CTNNA3: variants seen among roughly 807,000 people sequenced by gnomAD.
CTNNA3 encodes catenin alpha-3.
Under a neutral mutation model 95.7 loss-of-function variants are expected in CTNNA3, and 76 were observed. That is an observed-to-expected ratio of 0.79 (90% CI 0.66 to 0.96). The LOEUF (loss-of-function observed/expected upper bound fraction) is 0.96, where lower values mean the gene tolerates loss of function less well. Ranked by LOEUF, CTNNA3 falls within the 40% of genes least tolerant of loss-of-function variation. CTNNA3 has a pLI of 0.00. For missense variants in CTNNA3, 1,191 were observed against 1,089.8 expected, an observed-to-expected ratio of 1.09 and a Z score of -1.31; for synonymous variants, 431 against 374.4, an observed-to-expected ratio of 1.15 and a Z score of -1.74.
intron 17 of CTNNA3, among the ~76,000 whole-genome samples, chr10:65,951,667 G>A (rs1197130995): frequency 6.6e-6 from 1 of 151,826 alleles, no homozygotes; most frequent in East Asian, 1.9e-4. Context: ...TAAAGTCACC[G>A]AGAGGTCATA....
At chr10:66,400,471 A>G (rs1378661239) in intron 11 of CTNNA3, among the ~76,000 whole-genome samples, 1 of 152,104 alleles carries the variant, frequency 6.6e-6, no homozygotes, top group African/African-American at 2.4e-5. Context: ...TACCCACACT[A>G]AGCACTTCAA....
chr10:66,018,187 T>TACACAC (rs59373779), intron 15 of CTNNA3, among the ~76,000 whole-genome samples: 6,659 of 142,102 alleles, frequency 0.047, 362 homozygotes, highest in African/African-American at 0.13. Context: ...ACAGCTCAAA[T>TACACAC]ACACACACAC....
intron 6 of CTNNA3, among the ~76,000 whole-genome samples, chr10:67,182,495 C>A (rs1293583885): frequency 3.3e-5 from 5 of 152,016 alleles, no homozygotes; most frequent in Non-Finnish European, 5.9e-5. Context: ...ATGTAGAAAG[C>A]TGAAACTGGA....
At chr10:66,251,595 A>C (rs1055420575) in intron 13 of CTNNA3, among the ~76,000 whole-genome samples, 5 of 152,162 alleles carry the variant, frequency 3.3e-5, no homozygotes, top group Non-Finnish European at 7.4e-5. Context: ...CACAAGACCA[A>C]ATTGAAACAT....
chr10:66,688,634 T>C (rs1407714279), intron 9 of CTNNA3, among the ~76,000 whole-genome samples: 1 of 152,110 alleles, frequency 6.6e-6, no homozygotes, highest in Non-Finnish European at 1.5e-5. Context: ...GTTCATTTAT[T>C]GTTTGACTTT....
chr10:66,192,277 C>A (rs183422693), intron 13 of CTNNA3, among the ~76,000 whole-genome samples: 1 of 152,206 alleles, frequency 6.6e-6, no homozygotes, highest in African/African-American at 2.4e-5. Context: ...AATTTACTCC[C>A]AAGAATTAAA....
chr10:66,559,833 T>A (rs116246492), intron 10 of CTNNA3, among the ~76,000 whole-genome samples: 3 of 152,108 alleles, frequency 2.0e-5, no homozygotes, highest in Non-Finnish European at 4.4e-5. Context: ...TAAGCTCTTA[T>A]AATACTACAT....
intron 1 of CTNNA3, among the ~76,000 whole-genome samples, chr10:67,708,131 C>T (rs1305930135): frequency 1.3e-5 from 2 of 152,116 alleles, no homozygotes; most frequent in Admixed American, 6.6e-5. Context: ...AATAGAAGGG[C>T]TAAAATGAAT....
intron 9 of CTNNA3, among the ~76,000 whole-genome samples, chr10:66,718,742 C>T (rs1378682799): frequency 6.6e-6 from 1 of 151,776 alleles, no homozygotes; most frequent in African/African-American, 2.4e-5. Flanking sequence ...CGATGTACCC[C>T]AAAGGCCAAA....
intron 11 of CTNNA3, among the ~76,000 whole-genome samples, chr10:66,410,603 C>T (rs187899016): frequency 2.6e-5 from 4 of 152,268 alleles, no homozygotes; most frequent in East Asian, 3.9e-4. Context: ...GATTGCCCCC[C>T]ACTCCTGACC....
chr10:67,142,337 AAAAATTTTTTT>A (rs1434306942), intron 7 of CTNNA3, among the ~76,000 whole-genome samples: 1 of 152,140 alleles, frequency 6.6e-6, no homozygotes, highest in Non-Finnish European at 1.5e-5. Context: ...CTTCCAAAAA[AAAAATTTTTTT>A]AATGTGTATT....
At chr10:67,425,236 G>C (rs1237828938) in intron 5 of CTNNA3, among the ~76,000 whole-genome samples, 1 of 152,048 alleles carries the variant, frequency 6.6e-6, no homozygotes, top group Non-Finnish European at 1.5e-5. Flanking sequence ...CTTATACTCA[G>C]CCATGTAGGT....
intron 7 of CTNNA3, among the ~76,000 whole-genome samples, chr10:67,168,511 A>G (rs138385852): frequency 5.3e-5 from 8 of 152,316 alleles, no homozygotes; most frequent in Middle Eastern, 6.8e-3. Flanking sequence ...CTCATCACAT[A>G]AAAAGAACAA....
At chr10:67,165,513 T>A (rs912107085) in intron 7 of CTNNA3, among the ~76,000 whole-genome samples, 1 of 152,226 alleles carries the variant, frequency 6.6e-6, no homozygotes, top group East Asian at 1.9e-4. Flanking sequence ...TATGTCAATA[T>A]GTCAATGTCC....
intron 7 of CTNNA3, among the ~76,000 whole-genome samples, chr10:66,782,613 C>G (rs1327767544): frequency 6.6e-6 from 1 of 152,102 alleles, no homozygotes. Context: ...ATCTTCTACA[C>G]TGACACTTCT....
upstream of CTNNA3, among the ~76,000 whole-genome samples, chr10:67,699,026 T>C (rs1368789004): frequency 6.6e-6 from 1 of 152,040 alleles, no homozygotes. Flanking sequence ...CTCCCTCCTA[T>C]TAAAATGCAA....
rs184120994 is a variant in CTNNA3, at chr10:67,400,368, G to A, written c.579+121474C>T. Among the ~76,000 whole-genome samples, 7 of 152,098 alleles carry A rather than the reference G, an allele frequency of 4.6e-5. No homozygotes were observed. The East Asian group carries it at 1.3e-3, about 29-fold the overall frequency. ...TTACTTTTAAATAAATGTTACAGAT[G>A]TATTATGAAATAAGAAATAAGCTTA... On this transcript the variant is annotated intron_variant, in intron 5 of 17. Coordinates refer to ENST00000433211, the MANE Select transcript of CTNNA3 (RefSeq NM_013266.4).
intron 8 of CTNNA3, among the ~76,000 whole-genome samples, chr10:66,773,689 T>C (rs1406704374): frequency 1.3e-5 from 2 of 152,212 alleles, no homozygotes; most frequent in Non-Finnish European, 2.9e-5. Flanking sequence ...TAAACACTGA[T>C]AGAAAATTGA....
intron 7 of CTNNA3, among the ~76,000 whole-genome samples, chr10:66,932,881 C>A (rs974091097): frequency 6.6e-6 from 1 of 152,058 alleles, no homozygotes; most frequent in African/African-American, 2.4e-5. Flanking sequence ...AATATCACAG[C>A]CAGGCATGGT....
Sources: allele counts gnomAD v4.1 joint callset (sites outside exome capture counted in the v4.1 genomes callset), GRCh38; gene constraint gnomAD v4.1.1; transcripts MANE v1.5; gene names NCBI Gene and HGNC (gene_info 2026-07-23, HGNC 2026-07-21).